The following ARID5B variants were observed in gnomAD, a reference collection of about 807,000 sequenced individuals.
The protein encoded by ARID5B is AT-rich interactive domain-containing protein 5B.
A neutral mutation model predicts 97.2 loss-of-function variants in ARID5B; 13 were observed. The observed-to-expected ratio is 0.13, with a 90% CI of 0.09 to 0.21. The LOEUF is 0.21. Ranked by LOEUF, ARID5B falls within the 10% of genes least tolerant of loss-of-function variation. The pLI is 1.00. For synonymous variants in ARID5B, 556 were observed against 570.3 expected, an observed-to-expected ratio of 0.97 and a Z score of 0.36; for missense variants, 1,210 against 1,465.3, an observed-to-expected ratio of 0.83 and a Z score of 2.84.
At chr10:62,033,069 C>G (rs1438037297) in intron 4 of ARID5B, among the ~76,000 whole-genome samples, 4 of 152,156 alleles carry the variant, frequency 2.6e-5, no homozygotes. Flanking sequence ...CTTGGCCTAC[C>G]AGATTAAATT....
intron 2 of ARID5B, among the ~76,000 whole-genome samples, chr10:61,907,571 G>A (rs1351591915): frequency 6.6e-6 from 1 of 152,224 alleles, no homozygotes; most frequent in African/African-American, 2.4e-5. Flanking sequence ...AATAGTGGTT[G>A]CACTTATAAT....
intron 3 of ARID5B, among the ~76,000 whole-genome samples, chr10:61,984,911 G>T (rs1414047282): frequency 1.3e-5 from 2 of 152,126 alleles, no homozygotes; most frequent in Non-Finnish European, 2.9e-5. Context: ...CTATTCTCCA[G>T]GCCTCCTTAG....
chr10:61,989,719 C>T (rs1838896513), intron 3 of ARID5B, among the ~76,000 whole-genome samples: 1 of 152,150 alleles, frequency 6.6e-6, no homozygotes, highest in Admixed American at 6.5e-5. Flanking sequence ...GGATCAGCAT[C>T]GTTAACCTTT....
rs1322695665 is a variant in ARID5B, at chr10:62,091,961, C to T, written c.2498C>T (p.Ser833Leu). ...CCTAGCTTCCTGGCTGACTTCTACT[C>T]GTCCCCTCATCTCCATAGCCTCTAC... Reference protein sequence around the residue: ...HMPSFLADFYSSPHLHSLYRH... With the variant: ...HMPSFLADFYLSPHLHSLYRH... The change falls in exon 10 of 10, where the codon TCG (serine) becomes TTG (leucine). Residue 833 changes from serine to leucine, a missense_variant. Ser to Leu is a moderately radical substitution (Grantham distance 145, BLOSUM62 -2). Around this residue, in one of 8 missense-constraint regions of ARID5B, gnomAD observed 800 missense variants for 839.1 expected, o/e 0.95. Transcript: ENST00000279873. 1.2e-6 allele frequency: 2 copies of T among 1,613,444 alleles called. No individual in the cohort carries two copies. The highest frequency in any genetic ancestry group is 1.1e-5 in the South Asian group (1 of 90,916).
chr10:61,917,869 T>G (rs1381656126), intron 2 of ARID5B, among the ~76,000 whole-genome samples: 2 of 151,916 alleles, frequency 1.3e-5, no homozygotes, highest in African/African-American at 4.8e-5. Flanking sequence ...ACATTTAGGC[T>G]TGAGGAGGGA....
intron 3 of ARID5B, among the ~76,000 whole-genome samples, chr10:61,970,873 C>G (rs998584303): frequency 6.6e-6 from 1 of 152,098 alleles, no homozygotes; most frequent in Admixed American, 6.6e-5. Flanking sequence ...TGACTTTCCC[C>G]CTAAACAATG....
chr10:62,038,935 C>A (rs1184711840), intron 4 of ARID5B, among the ~76,000 whole-genome samples: 1 of 152,178 alleles, frequency 6.6e-6, no homozygotes, highest in Non-Finnish European at 1.5e-5. Context: ...TCTCCACCTT[C>A]CGATTGCCAT....
chr10:61,950,071 G>C (rs1001408490), intron 3 of ARID5B, among the ~76,000 whole-genome samples: 1 of 152,098 alleles, frequency 6.6e-6, no homozygotes, highest in Non-Finnish European at 1.5e-5. Flanking sequence ...GCAGTGGTGC[G>C]ATCTCTGCAG....
chr10:62,085,560 A>G, intron 8 of ARID5B, 142 bp from the exon 9 acceptor site: 1 of 727,670 alleles, frequency 1.4e-6, no homozygotes, highest in African/African-American at 1.8e-5. Context: ...GTGTAGAGTA[A>G]GTTTATAGAA....
At chr10:62,087,247 C>T (rs1188608421) in intron 9 of ARID5B, among the ~76,000 whole-genome samples, 1 of 115,104 alleles carries the variant, frequency 8.7e-6, no homozygotes, top group Admixed American at 1.2e-4. Flanking sequence ...TGCAGTGAGC[C>T]GAGATCAGGC....
At chr10:62,051,233 T>G in intron 5 of ARID5B, 1 of 597,580 alleles carries the variant, frequency 1.7e-6, no homozygotes, top group South Asian at 1.9e-5. Flanking sequence ...ACTTCCTACC[T>G]CCCAGTTTGG....
chr10:62,058,042 A>G (rs1839879046), intron 6 of ARID5B, among the ~76,000 whole-genome samples: 1 of 152,206 alleles, frequency 6.6e-6, no homozygotes, highest in Non-Finnish European at 1.5e-5. Context: ...TTTTCTCCAA[A>G]TGTATCTTCG....
intron 3 of ARID5B, among the ~76,000 whole-genome samples, chr10:61,991,041 T>TACACACACACAC (rs397802272): frequency 0.15 from 21,856 of 144,894 alleles, 1,978 homozygotes; most frequent in Middle Eastern, 0.21. Flanking sequence ...ATTTATCCTG[T>TACACACACACAC]ACACACACAC....
At chr10:61,938,694 C>A (rs762088364) in intron 2 of ARID5B, among the ~76,000 whole-genome samples, 1 of 152,108 alleles carries the variant, frequency 6.6e-6, no homozygotes. Flanking sequence ...ACAGTTTCCA[C>A]TTTGTCTCCC....
chr10:61,947,366 T>C (rs1046807443), intron 3 of ARID5B, among the ~76,000 whole-genome samples: 2 of 151,110 alleles, frequency 1.3e-5, no homozygotes, highest in African/African-American at 2.4e-5. Context: ...CTTCCTGGGT[T>C]CAAGCAATTC....
chr10:61,954,944 C>A (rs1434933417), intron 3 of ARID5B, among the ~76,000 whole-genome samples: 2 of 150,706 alleles, frequency 1.3e-5, no homozygotes, highest in Admixed American at 6.6e-5. Context: ...AGGCGGAGGT[C>A]ATGGTGAGCC....
At chr10:61,983,903 C>T (rs983319879) in intron 3 of ARID5B, among the ~76,000 whole-genome samples, 2 of 12,562 alleles carry the variant, frequency 1.6e-4, no homozygotes, top group Non-Finnish European at 3.0e-4. Flanking sequence ...TTTTTTGAGA[C>T]GGAGTCTCGC....
intron 2 of ARID5B, among the ~76,000 whole-genome samples, chr10:61,923,020 A>G (rs953869611): frequency 4.6e-5 from 7 of 152,176 alleles, no homozygotes; most frequent in African/African-American, 1.7e-4. Context: ...ATTTTTAATA[A>G]TGGAAATTGA....
At chr10:62,029,688 A>T (rs1485535517) in intron 4 of ARID5B, among the ~76,000 whole-genome samples, 1 of 152,222 alleles carries the variant, frequency 6.6e-6, no homozygotes, top group African/African-American at 2.4e-5. Context: ...CCTCATGGAC[A>T]TTTGTGTTGC....
Sources: gnomAD v4.1 joint callset for allele counts (sites outside exome capture counted in the v4.1 genomes callset) on GRCh38, gnomAD v4.1.1 for gene constraint, gnomAD v4.1.1 regional missense constraint, MANE v1.5 for transcripts, NCBI Gene and HGNC (gene_info 2026-07-23, HGNC 2026-07-21) for gene names.